Variants in TAFA5 observed in about 807,000 individuals in gnomAD.
TAFA5 encodes the protein TAFA chemokine like family member 5.
TAFA5 carries 6 observed loss-of-function variants against 15.3 expected under a neutral mutation model. The observed-to-expected ratio is 0.39, with a 90% confidence interval of 0.21 to 0.77. The LOEUF (loss-of-function observed/expected upper bound fraction) is 0.77. TAFA5 is among the 30% of genes least tolerant of loss of function. TAFA5 has a pLI of 0.41. For missense variants in TAFA5, 161 were observed against 193.1 expected (o/e 0.83, Z 0.98); for synonymous variants, 103 against 80.7 (o/e 1.28, Z -1.48).
At chr22:48,535,686 A>G (rs1399183442) in intron 1 of TAFA5, among the ~76,000 whole-genome samples, 1 of 150,038 alleles carries the variant, frequency 6.7e-6, no homozygotes, top group Non-Finnish European at 1.5e-5. Context: ...ATATGCATAT[A>G]TGTAGGTGCA....
intron 2 of TAFA5, among the ~76,000 whole-genome samples, chr22:48,700,667 G>A (rs550942249): frequency 6.6e-6 from 1 of 152,136 alleles, no homozygotes; most frequent in Non-Finnish European, 1.5e-5. Context: ...GTGGGCACCT[G>A]TGTGCACGCA....
At chr22:48,538,434 C>T (rs1233101446) in intron 1 of TAFA5, among the ~76,000 whole-genome samples, 1 of 152,228 alleles carries the variant, frequency 6.6e-6, no homozygotes, top group Admixed American at 6.5e-5. Context: ...GCTTTCCCTC[C>T]CTTGAGCCCT....
At chr22:48,712,111 C>T (rs1033577890) in intron 3 of TAFA5, among the ~76,000 whole-genome samples, 9 of 152,230 alleles carry the variant, frequency 5.9e-5, no homozygotes, top group African/African-American at 1.9e-4. Flanking sequence ...GGCTGGAGTG[C>T]AAGGGCACAA....
At chr22:48,517,394 A>G (rs550778203) in intron 1 of TAFA5, among the ~76,000 whole-genome samples, 1 of 152,126 alleles carries the variant, frequency 6.6e-6, no homozygotes, top group Admixed American at 6.5e-5. Context: ...CAGATGCAAG[A>G]TGGGAAGCAG....
At chr22:48,600,718 C>T (rs553217323) in intron 1 of TAFA5, among the ~76,000 whole-genome samples, 49 of 152,346 alleles carry the variant, frequency 3.2e-4, no homozygotes, top group African/African-American at 9.1e-4. Context: ...TTAAGCCGCA[C>T]GCCCTTCTGC....
chr22:48,645,866 G>C (rs191700958), intron 1 of TAFA5, among the ~76,000 whole-genome samples: 4 of 152,276 alleles, frequency 2.6e-5, no homozygotes, highest in Admixed American at 2.0e-4. Context: ...GTAAACCTGC[G>C]TGCCTGTGGC....
intron 1 of TAFA5, among the ~76,000 whole-genome samples, chr22:48,615,700 C>T (rs28629999): frequency 0.43 from 65,726 of 152,062 alleles, 15,250 homozygotes; most frequent in South Asian, 0.53. Flanking sequence ...CCCCCGCCCC[C>T]ATCCCCCCCT....
intron 3 of TAFA5, among the ~76,000 whole-genome samples, chr22:48,737,857 G>A (rs935176370): frequency 4.6e-5 from 7 of 152,180 alleles, no homozygotes; most frequent in Non-Finnish European, 7.4e-5. Flanking sequence ...TGCAGCCTCT[G>A]AGGTCAGAGG....
intron 2 of TAFA5, among the ~76,000 whole-genome samples, chr22:48,674,640 C>T (rs1364244620): frequency 6.6e-6 from 1 of 152,062 alleles, no homozygotes; most frequent in African/African-American, 2.4e-5. Context: ...TGTCCCGGAA[C>T]AACACGTCAC....
chr22:48,698,510 G>T (rs940402907), intron 2 of TAFA5, among the ~76,000 whole-genome samples: 2 of 151,574 alleles, frequency 1.3e-5, no homozygotes, highest in Non-Finnish European at 2.9e-5. Flanking sequence ...AGCTGAGCTG[G>T]GAGAGAGGAA....
intron 1 of TAFA5, among the ~76,000 whole-genome samples, chr22:48,588,627 C>G (rs1924446024): frequency 6.6e-6 from 1 of 152,142 alleles, no homozygotes; most frequent in Non-Finnish European, 1.5e-5. Flanking sequence ...GCTATGGTCT[C>G]TTGCTGTGAC....
At chr22:48,718,103 G>A (rs1184253914) in intron 3 of TAFA5, among the ~76,000 whole-genome samples, 4 of 152,180 alleles carry the variant, frequency 2.6e-5, no homozygotes, top group Non-Finnish European at 5.9e-5. Flanking sequence ...GCCACGGGCT[G>A]AGCAGAAGCG....
In TAFA5 at chr22:48,509,643, G is replaced by A. The variant is rs1003207488; in HGVS notation, c.112+19939G>A. On this transcript the variant is annotated intron_variant, in intron 1 of 3. Coordinates refer to ENST00000402357, the MANE Select transcript of TAFA5 (RefSeq NM_001082967.3). ...AACAAATGATGCCAGAAAACTGGAC[G>A]TCCACATGCAAAAGAATGAAACTAG... 3.3e-5 allele frequency among the ~76,000 whole-genome samples: 5 copies of A among 152,218 alleles called. No individual in the cohort carries two copies. The East Asian group carries it at 5.8e-4, about 18-fold the overall frequency.
intron 1 of TAFA5, among the ~76,000 whole-genome samples, chr22:48,563,001 T>A (rs1923289621): frequency 6.6e-6 from 1 of 152,180 alleles, no homozygotes; most frequent in Non-Finnish European, 1.5e-5. Context: ...CCTTGGCATC[T>A]CCCACACCAG....
chr22:48,489,737 C>A lies in TAFA5; in HGVS notation c.112+33C>A. On this transcript the variant is annotated intron_variant, in intron 1 of 3. Transcript: ENST00000402357. This position sits in a 1 kb window ranked among gnomAD's most constrained non-coding sequence, Gnocchi z 5.5. ...CCGCGCGGCCCCGGCCCCGGCACGG[C>A]CCTCTGGGCCCCGGACCCCCTCCTC... 1 of 1,309,354 alleles carries A rather than the reference C, an allele frequency of 7.6e-7. No individual in the cohort carries two copies. The highest frequency in any genetic ancestry group is 1.0e-6 in the Non-Finnish European group (1 of 996,972). 81.1% of individuals were successfully genotyped at this position (1,309,354 alleles called of 1,614,324 possible). A position where few individuals can be genotyped will look rare whatever the true frequency, so the allele number is the denominator to read the frequency against.
intron 1 of TAFA5, among the ~76,000 whole-genome samples, chr22:48,593,983 T>C (rs1445831877): frequency 6.6e-6 from 1 of 152,234 alleles, no homozygotes; most frequent in Non-Finnish European, 1.5e-5. Flanking sequence ...CTCTATCTTC[T>C]GAAGTCCTTA....
intron 1 of TAFA5, among the ~76,000 whole-genome samples, chr22:48,533,662 G>GC (rs1262291650): frequency 6.6e-6 from 1 of 152,208 alleles, no homozygotes; most frequent in Non-Finnish European, 1.5e-5. Flanking sequence ...ACACCCTAGG[G>GC]CCCCTTTCCC....
At chr22:48,511,938 C>T (rs1569163630) in intron 1 of TAFA5, among the ~76,000 whole-genome samples, 2 of 152,352 alleles carry the variant, frequency 1.3e-5, no homozygotes, top group African/African-American at 4.8e-5. Context: ...GGGAACGGTG[C>T]GCTCACTCAC....
chr22:48,576,321 C>T (rs1471192648), intron 1 of TAFA5: 101 of 1,204,670 alleles, frequency 8.4e-5, no homozygotes, highest in Non-Finnish European at 9.9e-5. Flanking sequence ...CACAAATCGC[C>T]TCCCGGAGTG....
Sources: gnomAD v4.1 joint callset for allele counts (sites outside exome capture counted in the v4.1 genomes callset) on GRCh38, gnomAD v4.1.1 for gene constraint, Gnocchi (gnomAD v3.1) non-coding constraint, MANE v1.5 for transcripts, NCBI Gene and HGNC (gene_info 2026-07-23, HGNC 2026-07-21) for gene names.